The following KANK1 variants were observed in gnomAD, a reference collection of about 807,000 sequenced individuals.
KANK1 encodes KN motif and ankyrin repeat domain-containing protein 1.
In KANK1, 109 loss-of-function variants were observed where a neutral mutation model predicts 106.2. The ratio of observed to expected loss-of-function variants is 1.03; its 90% CI spans 0.88 to 1.20. The LOEUF (loss-of-function observed/expected upper bound fraction) is 1.20, where lower values mean the gene tolerates loss of function less well. Among genes scored for constraint, KANK1 ranks in the 50% most tolerant of loss-of-function variants. The pLI is 0.00. For missense variants in KANK1, 2,399 were observed against 1,710.7 expected (o/e 1.40, Z -7.10); for synonymous variants, 873 against 652.2 (o/e 1.34, Z -5.16).
chr9:564,359 G>A (rs1006103216), intron 1 of KANK1, among the ~76,000 whole-genome samples: 2 of 152,084 alleles, frequency 1.3e-5, no homozygotes, highest in African/African-American at 2.4e-5. Flanking sequence ...ACCGTGCCCG[G>A]CCAGAATGCA....
Position 516,998 on chromosome 9 carries a change from T to TACACAC in KANK1, c.-84+12268_-84+12273dup, listed in dbSNP as rs148954863. Among the ~76,000 whole-genome samples, 1,255 of 145,548 alleles carry TACACAC rather than the reference T, an allele frequency of 8.6e-3. 56 individuals are homozygous for TACACAC. The South Asian group carries it at 0.1, about 12-fold the overall frequency. On this transcript the variant is annotated intron_variant, in intron 1 of 11. Transcript: ENST00000382297. ...GTGGTTTCTATTCTTCATCACCCTC[T>TACACAC]ACACACACACACACACACACACACA...
chr9:472,685 G>A (rs2058041664), intron 2 of KANK1, among the ~76,000 whole-genome samples: 1 of 152,186 alleles, frequency 6.6e-6, no homozygotes, highest in African/African-American at 2.4e-5. Context: ...TGCAAGGACT[G>A]GTTACACAAT....
chr9:653,974 G>A (rs1008254385), intron 1 of KANK1, among the ~76,000 whole-genome samples: 15 of 152,068 alleles, frequency 9.9e-5, no homozygotes, highest in Admixed American at 3.3e-4. Context: ...CTTTCCACAT[G>A]GATACTTCCT....
At chr9:735,862 G>T (rs370961699) in intron 7 of KANK1, 30 of 290,336 alleles carry the variant, frequency 1.0e-4, no homozygotes, top group East Asian at 1.0e-3. Context: ...AGGCATGGTG[G>T]TACACCCGTG....
chr9:554,873 G>T (rs887424952), intron 1 of KANK1, among the ~76,000 whole-genome samples: 32 of 152,186 alleles, frequency 2.1e-4, no homozygotes, highest in African/African-American at 7.2e-4. Context: ...TCGTGGCAAG[G>T]TTATCTTGGG....
chr9:516,790 G>T (rs1465632505), intron 1 of KANK1, among the ~76,000 whole-genome samples: 1 of 151,634 alleles, frequency 6.6e-6, no homozygotes, highest in Non-Finnish European at 1.5e-5. Flanking sequence ...TGTCAGATCT[G>T]CATGAAGCTA....
At chr9:607,632 C>G (rs7873666) in intron 1 of KANK1, among the ~76,000 whole-genome samples, 7,374 of 151,666 alleles carry the variant, frequency 0.049, 759 homozygotes, top group African/African-American at 0.17. Context: ...GCACATGTGC[C>G]TCACCCAGTC....
intron 1 of KANK1, among the ~76,000 whole-genome samples, chr9:595,085 C>T (rs1444831557): frequency 6.6e-6 from 1 of 151,766 alleles, no homozygotes; most frequent in African/African-American, 2.4e-5. Flanking sequence ...TCCTAATAAT[C>T]ACATTGAAAT....
chr9:516,518 C>T (rs974332840), intron 1 of KANK1, among the ~76,000 whole-genome samples: 1 of 151,518 alleles, frequency 6.6e-6, no homozygotes, highest in Non-Finnish European at 1.5e-5. Flanking sequence ...TAGTGATGTT[C>T]TTTCTGGTGG....
chr9:566,588 T>C (rs146583211), intron 1 of KANK1, among the ~76,000 whole-genome samples: 16 of 152,358 alleles, frequency 1.1e-4, no homozygotes, highest in African/African-American at 3.8e-4. Context: ...GTGGTTGTTA[T>C]TTGCGTTTCT....
chr9:687,174 G>A (rs1818772001), intron 2 of KANK1, among the ~76,000 whole-genome samples: 2 of 152,108 alleles, frequency 1.3e-5, no homozygotes, highest in African/African-American at 2.4e-5. Context: ...CCATACAGAT[G>A]TATTTGGCAG....
intron 1 of KANK1, among the ~76,000 whole-genome samples, chr9:671,119 A>G (rs555689923): frequency 1.3e-5 from 2 of 152,158 alleles, no homozygotes; most frequent in African/African-American, 4.8e-5. Flanking sequence ...TTTTTAAAGT[A>G]TAATTCTTAT....
chr9:732,370 C>A lies in KANK1; in HGVS notation c.3006-8C>A. 8 of 1,602,730 alleles carry A rather than the reference C, an allele frequency of 5.0e-6. No individual in the cohort carries two copies. The highest frequency in any genetic ancestry group is 6.8e-6 in the Non-Finnish European group (8 of 1,170,690). ...CTTGCATCTCCTGAAATCCCAATTG[C>A]CACCTAGGTATGAAACAACTTCAAG... On this transcript the variant is annotated splice_polypyrimidine_tract_variant and splice_region_variant and intron_variant, in intron 5 of 11. Transcript: ENST00000382297.
chr9:710,207 C>T (rs1024242087), intron 2 of KANK1, among the ~76,000 whole-genome samples: 1 of 152,160 alleles, frequency 6.6e-6, no homozygotes, highest in Non-Finnish European at 1.5e-5. Context: ...ATCTAACATA[C>T]AGTTTTAAAA....
At chr9:743,430 AAG>A (rs1222991697) in intron 10 of KANK1, among the ~76,000 whole-genome samples, 1 of 152,140 alleles carries the variant, frequency 6.6e-6, no homozygotes, top group Non-Finnish European at 1.5e-5. Flanking sequence ...TTTCTTCCAG[AAG>A]AGTTTGTTAG....
chr9:730,462 C>T (rs984960382), intron 4 of KANK1: 1 of 532,744 alleles, frequency 1.9e-6, no homozygotes, highest in Non-Finnish European at 3.4e-6. Context: ...GAGGCCAAGG[C>T]AGGCAGATCA....
chr9:606,428 T>C (rs9696834), intron 1 of KANK1, among the ~76,000 whole-genome samples: 51,274 of 145,818 alleles, frequency 0.35, 10,749 homozygotes, highest in African/African-American at 0.48. Flanking sequence ...TGGTGGTGCA[T>C]GCCTGTAATC....
intron 1 of KANK1, among the ~76,000 whole-genome samples, chr9:670,007 G>C (rs537618829): frequency 4.6e-5 from 7 of 152,020 alleles, no homozygotes; most frequent in Non-Finnish European, 1.5e-5. Flanking sequence ...GATGCATTCT[G>C]CTGTTGAGAG....
chr9:528,057 C>T (rs949188605), intron 1 of KANK1, among the ~76,000 whole-genome samples: 18 of 150,802 alleles, frequency 1.2e-4, no homozygotes, highest in African/African-American at 3.7e-4. Context: ...GGCATGAACC[C>T]GGGAGGTGGA....
Sources: gnomAD v4.1 joint callset for allele counts (sites outside exome capture counted in the v4.1 genomes callset) on GRCh38, gnomAD v4.1.1 for gene constraint, MANE v1.5 for transcripts, NCBI Gene and HGNC (gene_info 2026-07-23, HGNC 2026-07-21) for gene names.